DIAPH2: variants seen among roughly 807,000 people sequenced by gnomAD.
DIAPH2 encodes diaphanous related formin 2.
A neutral mutation model predicts 92.7 loss-of-function variants in DIAPH2; 35 were observed. The observed-to-expected ratio is 0.38, with a 90% CI of 0.29 to 0.50. The LOEUF (loss-of-function observed/expected upper bound fraction) is 0.50, where lower values mean the gene tolerates loss of function less well. DIAPH2 is among the 20% of genes least tolerant of loss of function. The pLI, the probability that DIAPH2 is intolerant of heterozygous loss-of-function variation, is 0.94. For missense variants in DIAPH2, 701 were observed against 819.5 expected, an observed-to-expected ratio of 0.86 and a Z score of 1.77; for synonymous variants, 301 against 280.4, an observed-to-expected ratio of 1.07 and a Z score of -0.73.
intron 1 of DIAPH2, among the ~76,000 whole-genome samples, chrX:96,707,270 G>A (rs2063891270): frequency 9.2e-6 from 1 of 108,961 alleles, no homozygotes; most frequent in Admixed American, 9.8e-5. Flanking sequence ...CGGGGCTCAA[G>A]CGATTCTCAT....
chrX:97,362,332 CAGTAT>C (rs1484892814), intron 24 of DIAPH2, among the ~76,000 whole-genome samples: 1 of 110,571 alleles, frequency 9.0e-6, no homozygotes, highest in Non-Finnish European at 1.9e-5. Context: ...AATTGTTGCT[CAGTAT>C]TATTTGAATT....
At chrX:97,126,810 T>C (rs1239437278) in intron 21 of DIAPH2, among the ~76,000 whole-genome samples, 1 of 112,749 alleles carries the variant, frequency 8.9e-6, no homozygotes. Flanking sequence ...TCCAGCCCCA[T>C]TTCCAAGATG....
chrX:97,001,414 G>A lies in DIAPH2; in HGVS notation c.2050+36207G>A, dbSNP rs753653710. Among the ~76,000 whole-genome samples the A allele has an allele frequency of 1.3e-3, 148 of 112,102 alleles. 1 individual carries two copies. Among genetic ancestry groups the A allele is most frequent in the African/African-American group, 4.4e-3 (136 of 30,887 alleles). Reference sequence around the variant, plus strand: ...AATCCCAGCACTTTGGGAGGCCAAGGCGGGTAGATCACGAGGTCAGGAGTT... The same window carrying A: ...AATCCCAGCACTTTGGGAGGCCAAGACGGGTAGATCACGAGGTCAGGAGTT... On this transcript the variant is annotated intron_variant, in intron 17 of 26. Transcript: ENST00000324765.
At chrX:97,476,123 G>A (rs1215546267) in intron 26 of DIAPH2, among the ~76,000 whole-genome samples, 1 of 111,643 alleles carries the variant, frequency 9.0e-6, no homozygotes, top group Non-Finnish European at 1.9e-5. Flanking sequence ...CATTAATTTG[G>A]GTCTATTTAA....
chrX:97,452,468 C>T (rs1437908531), intron 26 of DIAPH2, among the ~76,000 whole-genome samples: 2 of 111,688 alleles, frequency 1.8e-5, no homozygotes, highest in South Asian at 3.7e-4. Context: ...ACTAGGACTT[C>T]CTGCTGAGGT....
At chrX:96,911,554 A>G (rs959956136) in intron 5 of DIAPH2, among the ~76,000 whole-genome samples, 4 of 110,920 alleles carry the variant, frequency 3.6e-5, no homozygotes, top group African/African-American at 6.5e-5. Context: ...CTAATGCCTC[A>G]TGACCCAATT....
At chrX:97,253,553 C>T (rs1319783458) in intron 23 of DIAPH2, among the ~76,000 whole-genome samples, 1 of 109,437 alleles carries the variant, frequency 9.1e-6, no homozygotes, top group Non-Finnish European at 1.9e-5. Context: ...CGAGACCAGC[C>T]TGGCCAACAT....
intron 26 of DIAPH2, among the ~76,000 whole-genome samples, chrX:97,571,693 C>T (rs781570819): frequency 9.1e-6 from 1 of 110,311 alleles, no homozygotes; most frequent in Admixed American, 9.7e-5. Flanking sequence ...GAATCCTTTG[C>T]TTTCATATGG....
chrX:97,081,231 T>C (rs565015878), intron 19 of DIAPH2, among the ~76,000 whole-genome samples: 2 of 111,983 alleles, frequency 1.8e-5, no homozygotes, highest in Middle Eastern at 4.7e-3. Context: ...TTCTTTCACA[T>C]CTTTGGCTCT....
At chrX:97,531,180 A>T (rs911733036) in intron 26 of DIAPH2, among the ~76,000 whole-genome samples, 3 of 111,243 alleles carry the variant, frequency 2.7e-5, no homozygotes, top group African/African-American at 9.8e-5. Context: ...AATAATAGAG[A>T]TAGGTTGTAT....
chrX:97,050,840 T>C (rs1430080339), intron 17 of DIAPH2, among the ~76,000 whole-genome samples: 1 of 112,120 alleles, frequency 8.9e-6, no homozygotes, highest in Non-Finnish European at 1.9e-5. Flanking sequence ...TTCATTACTT[T>C]CAGAAATATT....
chrX:96,710,131 ACTC>A (rs1190886831), intron 1 of DIAPH2, among the ~76,000 whole-genome samples: 1 of 110,896 alleles, frequency 9.0e-6, no homozygotes, highest in East Asian at 2.8e-4. Flanking sequence ...TTATCTTAGT[ACTC>A]CTGCTGTTTT....
At chrX:97,356,708 A>G (rs1290989271) in intron 24 of DIAPH2, among the ~76,000 whole-genome samples, 1 of 111,251 alleles carries the variant, frequency 9.0e-6, no homozygotes, top group African/African-American at 3.3e-5. Context: ...CTTGTATAGA[A>G]AAGCTAAATA....
At chrX:97,405,648 C>T (rs919749233) in intron 25 of DIAPH2, among the ~76,000 whole-genome samples, 1 of 111,716 alleles carries the variant, frequency 9.0e-6, no homozygotes, top group Non-Finnish European at 1.9e-5. Flanking sequence ...ACTTTTCGTT[C>T]CCTACCTCTT....
At chrX:97,063,901 G>A (rs780242105) in intron 17 of DIAPH2, among the ~76,000 whole-genome samples, 7 of 112,182 alleles carry the variant, frequency 6.2e-5, no homozygotes, top group African/African-American at 2.3e-4. Flanking sequence ...GATGTTATTG[G>A]AACACTTCCA....
At chrX:97,030,062 C>T (rs184921044) in intron 17 of DIAPH2, among the ~76,000 whole-genome samples, 1 of 111,650 alleles carries the variant, frequency 9.0e-6, no homozygotes, top group East Asian at 2.8e-4. Flanking sequence ...ATCCCATTTT[C>T]TTCACTTAGA....
intron 20 of DIAPH2, among the ~76,000 whole-genome samples, chrX:97,112,470 T>C (rs1484426253): frequency 9.0e-6 from 1 of 110,605 alleles, no homozygotes; most frequent in East Asian, 2.9e-4. Context: ...GAGACAGAGG[T>C]AGAGGCAGAA....
rs2065537340 is a variant in DIAPH2 at position 96,920,778 on chromosome X, C to T, written c.978+2161C>T. On this transcript the variant is annotated intron_variant, in intron 9 of 26. Transcript: ENST00000324765. ...TAACATATGGAAGAATCATAGATGT[C>T]TTGTTAAGTATTCAATAAATTGTTG... 2.7e-5 allele frequency among the ~76,000 whole-genome samples: 3 copies of T among 112,261 alleles called. 1 individual carries two copies. In the South Asian group the frequency reaches 1.1e-3, roughly 41 times the overall value.
intron 5 of DIAPH2, chrX:96,884,827 C>T: frequency 8.3e-7 from 1 of 1,211,079 alleles, no homozygotes; most frequent in Non-Finnish European, 1.1e-6. Context: ...TAAAGCCCGT[C>T]GTGATACCAC....
Sources: allele counts gnomAD v4.1 joint callset (sites outside exome capture counted in the v4.1 genomes callset), GRCh38; gene constraint gnomAD v4.1.1; transcripts MANE v1.5; gene names NCBI Gene and HGNC (gene_info 2026-07-23, HGNC 2026-07-21).